The following ST3GAL3 variants were observed in gnomAD, a reference collection of about 807,000 sequenced individuals.
The protein encoded by ST3GAL3 is CMP-N-acetylneuraminate-beta-1,4-galactoside alpha-2,3-sialyltransferase.
In ST3GAL3, 21 loss-of-function variants were observed where a neutral mutation model predicts 50.1. The observed-to-expected ratio is 0.42, with a 90% CI of 0.30 to 0.60. ST3GAL3 has a LOEUF of 0.60. Among genes scored for constraint, ST3GAL3 ranks in the 20% least tolerant of loss-of-function variants. The probability of loss-of-function intolerance (pLI) is 0.19; values close to 1 mark genes in which losing one functional copy is unlikely to be tolerated. For missense variants in ST3GAL3, 353 were observed against 489.4 expected, an observed-to-expected ratio of 0.72 and a Z score of 2.63; for synonymous variants, 183 against 190.0, an observed-to-expected ratio of 0.96 and a Z score of 0.30.
chr1:43,858,378 C>T, intron 5 of ST3GAL3: 1 of 1,195,644 alleles, frequency 8.4e-7, no homozygotes, highest in Non-Finnish European at 1.1e-6. Flanking sequence ...CAGTTCCAGG[C>T]TCCAGCCTAG....
intron 9 of ST3GAL3, among the ~76,000 whole-genome samples, chr1:43,907,149 G>C (rs2079923608): frequency 6.6e-6 from 1 of 152,186 alleles, no homozygotes; most frequent in African/African-American, 2.4e-5. Flanking sequence ...CAGATACTAT[G>C]AGTAGCAGTA....
intron 2 of ST3GAL3, among the ~76,000 whole-genome samples, chr1:43,766,243 G>A (rs545434776): frequency 1.3e-5 from 2 of 152,228 alleles, no homozygotes; most frequent in African/African-American, 4.8e-5. Context: ...ACTGCTGACT[G>A]ACAGCTTGTT....
intron 2 of ST3GAL3, among the ~76,000 whole-genome samples, chr1:43,790,716 C>T (rs1427250423): frequency 6.6e-6 from 1 of 151,562 alleles, no homozygotes; most frequent in Admixed American, 6.6e-5. Flanking sequence ...ACTGCAACCT[C>T]CGCCTCCCAG....
chr1:43,863,534 T>C (rs2070542011), intron 5 of ST3GAL3, among the ~76,000 whole-genome samples: 3 of 152,206 alleles, frequency 2.0e-5, no homozygotes, highest in Admixed American at 2.0e-4. Flanking sequence ...TTGATGACAT[T>C]TCTTCGCACA....
intron 5 of ST3GAL3, among the ~76,000 whole-genome samples, chr1:43,847,481 A>G (rs956844029): frequency 6.6e-6 from 1 of 152,248 alleles, no homozygotes; most frequent in African/African-American, 2.4e-5. Flanking sequence ...GACACATATT[A>G]CAACATGAAT....
intron 4 of ST3GAL3, among the ~76,000 whole-genome samples, chr1:43,816,658 G>A (rs1280603075): frequency 6.6e-6 from 1 of 152,186 alleles, no homozygotes; most frequent in Non-Finnish European, 1.5e-5. Flanking sequence ...GCAGTGAAAG[G>A]AGGAGGATGA....
chr1:43,894,593 T>C, intron 6 of ST3GAL3, 116 bp downstream of exon 6: 2 of 897,382 alleles, frequency 2.2e-6, no homozygotes, highest in Non-Finnish European at 3.7e-6. Flanking sequence ...CTTCCTCTAC[T>C]CTCAACAAAT....
chr1:43,785,274 G>T (rs768001546), intron 2 of ST3GAL3, among the ~76,000 whole-genome samples: 8 of 152,204 alleles, frequency 5.3e-5, no homozygotes, highest in Non-Finnish European at 1.0e-4. Context: ...AAAGTTGAGA[G>T]CTGTGGTCCA....
intron 4 of ST3GAL3, among the ~76,000 whole-genome samples, chr1:43,819,488 T>TA: frequency 6.6e-6 from 1 of 152,194 alleles, no homozygotes; most frequent in South Asian, 2.1e-4. Flanking sequence ...GCAGGCCATA[T>TA]AAAAAAAACA....
chr1:43,858,446 G>C, intron 5 of ST3GAL3: 20 of 703,104 alleles, frequency 2.8e-5, no homozygotes, highest in Non-Finnish European at 3.7e-5. Flanking sequence ...AGGCAGGCTG[G>C]CTGCATTCCT....
At chr1:43,716,847 C>T (rs904348842) in intron 1 of ST3GAL3, among the ~76,000 whole-genome samples, 4 of 152,294 alleles carry the variant, frequency 2.6e-5, no homozygotes, top group Non-Finnish European at 2.9e-5. Context: ...GAGTGCCCTT[C>T]GAGGTGTACA....
intron 5 of ST3GAL3, among the ~76,000 whole-genome samples, chr1:43,846,001 C>T (rs772980404): frequency 7.9e-5 from 12 of 152,146 alleles, no homozygotes; most frequent in Non-Finnish European, 1.0e-4. Context: ...TCCAAATATA[C>T]GTTATATGAT....
chr1:43,850,680 T>C (rs1329379999), intron 5 of ST3GAL3: 8 of 726,630 alleles, frequency 1.1e-5, no homozygotes, highest in Non-Finnish European at 1.8e-5. Context: ...GAGGATCAAA[T>C]GTTTATCAGA....
intron 2 of ST3GAL3, among the ~76,000 whole-genome samples, chr1:43,756,304 G>T (rs1688086179): frequency 6.6e-6 from 1 of 152,038 alleles, no homozygotes; most frequent in Admixed American, 6.6e-5. Flanking sequence ...TTTATCTGGG[G>T]TGAAGAGTGA....
At chr1:43,771,800 T>G in intron 2 of ST3GAL3, 1 of 393,148 alleles carries the variant, frequency 2.5e-6, no homozygotes, top group Non-Finnish European at 4.5e-6. Context: ...AGATCATGGT[T>G]GTTATAGTTG....
chr1:43,819,875 G>A (rs566299899), intron 4 of ST3GAL3, among the ~76,000 whole-genome samples: 3 of 152,186 alleles, frequency 2.0e-5, no homozygotes, highest in East Asian at 1.9e-4. Flanking sequence ...GTGATATTTC[G>A]TTTTCTGTTC....
At position 43,851,075 on chromosome 1, in the gene ST3GAL3, C is replaced by G. The variant is rs540982678; in HGVS notation, c.302+12764C>G. 13 of 878,978 alleles carry G rather than the reference C, an allele frequency of 1.5e-5. No individual in the cohort carries two copies. The East Asian group carries it at 3.1e-4, about 21-fold the overall frequency. 54.4% of individuals were successfully genotyped at this position (878,978 alleles called of 1,614,324 possible). On this transcript the variant is annotated intron_variant, in intron 5 of 11. Coordinates refer to ENST00000347631, the MANE Select transcript of ST3GAL3 (RefSeq NM_006279.5). ...GCCATGTCCACCATGAGATACACCC[C>G]ATTCTCATCTGCAGTTTTTCTGCAG...
At chr1:43,810,796 A>G (rs2060468405) in intron 3 of ST3GAL3, among the ~76,000 whole-genome samples, 1 of 152,068 alleles carries the variant, frequency 6.6e-6, no homozygotes, top group Admixed American at 6.5e-5. Context: ...AAAGCAGAAG[A>G]TGTTTGCCTA....
chr1:43,809,732 C>G (rs756596422), intron 3 of ST3GAL3, among the ~76,000 whole-genome samples: 1 of 151,842 alleles, frequency 6.6e-6, no homozygotes, highest in Admixed American at 6.6e-5. Flanking sequence ...TGGTGGTTCA[C>G]GCCTGTAATC....
Sources: gnomAD v4.1 joint callset for allele counts (sites outside exome capture counted in the v4.1 genomes callset) on GRCh38, gnomAD v4.1.1 for gene constraint, MANE v1.5 for transcripts, NCBI Gene and HGNC (gene_info 2026-07-23, HGNC 2026-07-21) for gene names.